KLRG2: variants seen among roughly 807,000 people sequenced by gnomAD.
KLRG2 encodes killer cell lectin-like receptor subfamily G member 2.
A neutral mutation model predicts 35.4 loss-of-function variants in KLRG2; 39 were observed. That is an observed-to-expected ratio of 1.10 (90% CI 0.85 to 1.44). KLRG2 has a LOEUF of 1.44. Among genes scored for constraint, KLRG2 ranks in the 40% most tolerant of loss-of-function variants. The pLI is 0.00. For synonymous variants in KLRG2, 283 were observed against 265.8 expected (o/e 1.06, Z -0.63); for missense variants, 632 against 570.9 (o/e 1.11, Z -1.09).
the KLRG2 span, among the ~76,000 whole-genome samples, chr7:139,431,890 G>C: frequency 6.6e-6 from 1 of 152,110 alleles, no homozygotes; most frequent in Non-Finnish European, 1.5e-5. Context: ...TTAAAAAGCA[G>C]TTGCAGGAAG....
chr7:139,454,864 T>TAAC lies in KLRG2; in HGVS notation c.1006-653_1006-651dup, dbSNP rs1238804285. On this transcript the variant is annotated intron_variant, in intron 3 of 4. Coordinates refer to ENST00000340940, the MANE Select transcript of KLRG2 (RefSeq NM_198508.4). Reference sequence around the variant, plus strand: ...ATAATAATAATAATAATAATAATAATAACACACGCAGATGTGCAGGAACAA... The same window carrying TAAC: ...ATAATAATAATAATAATAATAATAATAACAACACACGCAGATGTGCAGGAACAA... Among the ~76,000 whole-genome samples the TAAC allele has an allele frequency of 4.8e-3, 664 of 138,546 alleles. 4 individuals are homozygous for TAAC. Among genetic ancestry groups the TAAC allele is most frequent in the African/African-American group, 0.013 (473 of 36,968 alleles). The allele number at this position is 138,546 out of a possible 152,430, so 90.9% of individuals were successfully genotyped here.
the KLRG2 span, among the ~76,000 whole-genome samples, chr7:139,427,398 C>T: frequency 1.3e-5 from 2 of 152,156 alleles, no homozygotes; most frequent in African/African-American, 2.4e-5. Context: ...CTTTGAGACT[C>T]ACAGAATTGG....
intron 3 of KLRG2, among the ~76,000 whole-genome samples, chr7:139,467,897 A>C (rs993688507): frequency 2.6e-5 from 4 of 152,152 alleles, no homozygotes; most frequent in African/African-American, 7.2e-5. Flanking sequence ...AGAGGAAGGC[A>C]TCTGTCTCCT....
At chr7:139,433,429 G>T in the KLRG2 span, among the ~76,000 whole-genome samples, 1 of 151,968 alleles carries the variant, frequency 6.6e-6, no homozygotes, top group Admixed American at 6.6e-5. Flanking sequence ...GAGTTCAAGC[G>T]ATTCTCCTGC....
At chr7:139,450,679 GAC>G (rs1339428024), downstream of KLRG2, among the ~76,000 whole-genome samples, 11 of 152,034 alleles carry the variant, frequency 7.2e-5, no homozygotes, top group African/African-American at 2.4e-4. Flanking sequence ...TGGGATGGGA[GAC>G]AGTTTTAAAA....
At chr7:139,450,295 C>T (rs1347404495), downstream of KLRG2, among the ~76,000 whole-genome samples, 1 of 151,998 alleles carries the variant, frequency 6.6e-6, no homozygotes, top group Non-Finnish European at 1.5e-5. Context: ...GCGATCTCGG[C>T]TCACTGCAAG....
chr7:139,448,358 CTGTT>C (rs1436740807), downstream of KLRG2, among the ~76,000 whole-genome samples: 2 of 152,156 alleles, frequency 1.3e-5, no homozygotes, highest in East Asian at 1.9e-4. Context: ...ACCAGTCAGT[CTGTT>C]TGTATGCCTG....
chr7:139,466,310 GTCATTTCTTCTCT>G (rs1307663525), intron 3 of KLRG2, among the ~76,000 whole-genome samples: 5 of 152,254 alleles, frequency 3.3e-5, no homozygotes, highest in African/African-American at 1.2e-4. Context: ...GGCCACCGCG[GTCATTTCTTCTCT>G]TCTGTCAGAC....
At chr7:139,453,755 G>A (rs1569409014) in intron 4 of KLRG2, 48 bp from the exon 5 acceptor site, 1 of 1,610,426 alleles carries the variant, frequency 6.2e-7, no homozygotes, top group Non-Finnish European at 8.5e-7. Flanking sequence ...AGGGTGCCGG[G>A]GCCTTGCTTC....
chr7:139,465,729 T>TAG (rs1228861086), intron 3 of KLRG2, among the ~76,000 whole-genome samples: 204 of 149,470 alleles, frequency 1.4e-3, no homozygotes, highest in African/African-American at 4.2e-3. Context: ...GGAAGGAAGC[T>TAG]AGAGTCATTC....
At chr7:139,470,316 C>T (rs528926168) in intron 3 of KLRG2, among the ~76,000 whole-genome samples, 3 of 152,248 alleles carry the variant, frequency 2.0e-5, no homozygotes, top group South Asian at 2.1e-4. Flanking sequence ...CCTCAGCCTC[C>T]CGAATTGCTG....
At chr7:139,444,815 A>G in the KLRG2 span, among the ~76,000 whole-genome samples, 2 of 152,226 alleles carry the variant, frequency 1.3e-5, no homozygotes, top group Non-Finnish European at 2.9e-5. Flanking sequence ...TACACACCCT[A>G]CAGAGCAGAC....
In KLRG2 at chr7:139,476,955, G is replaced by A. The variant is rs150821947; in HGVS notation, c.1005+2672C>T. On this transcript the variant is annotated intron_variant, in intron 3 of 4. Transcript: ENST00000340940. The stretch of plus-strand genomic sequence containing the variant: ...TCTTAGCTTTGTCAAGGTGGGGGCT[G>A]TGCTATTCTGGCTCATTATTGAATC... Among the ~76,000 whole-genome samples, 33 of 152,272 alleles carry A rather than the reference G, an allele frequency of 2.2e-4. 1 individual carries two copies. The highest frequency in any genetic ancestry group is 7.7e-4 in the African/African-American group (32 of 41,556).
chr7:139,463,291 C>T (rs979659875), intron 3 of KLRG2, among the ~76,000 whole-genome samples: 6 of 152,092 alleles, frequency 3.9e-5, no homozygotes, highest in African/African-American at 1.2e-4. Context: ...TTACCCAGTC[C>T]GCTCCTGACA....
At position 139,483,591 on chromosome 7, in the gene KLRG2, G is replaced by C. The variant is rs767874397; in HGVS notation, c.52C>G (p.Pro18Ala). 4 of 1,594,648 alleles carry C rather than the reference G, an allele frequency of 2.5e-6. No individual in the cohort carries two copies. Among genetic ancestry groups the C allele is most frequent in the South Asian group, 2.2e-5 (2 of 89,980 alleles). Residue 18 changes from proline (P) to alanine (A), a missense_variant, in exon 1 of 5, where the codon CCA (proline) becomes GCA (alanine). Coordinates refer to ENST00000340940, the MANE Select transcript of KLRG2 (RefSeq NM_198508.4). ...ACCAGGCTTCCCACGGGCTCCATTG[G>C]GAGCTCTGCCCCGGCTTGGCCTCCG... ...APGGQAGAEL[P>A]MEPVGSLVPT...
At chr7:139,443,580 G>A in the KLRG2 span, among the ~76,000 whole-genome samples, 2 of 150,352 alleles carry the variant, frequency 1.3e-5, no homozygotes, top group Non-Finnish European at 3.0e-5. Flanking sequence ...TTTATTTTTT[G>A]AGATGGAGTC....
Position 139,483,025 on chromosome 7 carries a change from C to T in KLRG2, c.618G>A (p.Ala206=). 7.3e-7 allele frequency: 1 copy of T among 1,369,624 alleles called. No homozygotes were observed. The highest frequency in any genetic ancestry group is 9.3e-7 in the Non-Finnish European group (1 of 1,069,752). 84.8% of individuals were successfully genotyped at this position (1,369,624 alleles called of 1,614,324 possible). A position where few individuals can be genotyped will look rare whatever the true frequency, so the allele number is the denominator to read the frequency against. The part of the protein sequence containing the change: ...GCDAEGRASP[A]EGSAGSPGSP... ...AGCCCGGGGAGCCGGCGCTTCCTTC[C>T]GCGGGGCTGGCCCGGCCCTCTGCGT... Residue 206 remains alanine, a synonymous_variant, in exon 1 of 5, where the codon GCG becomes GCA. Coordinates refer to ENST00000340940, the MANE Select transcript of KLRG2 (RefSeq NM_198508.4).
At chr7:139,455,216 C>A (rs1016572646) in intron 3 of KLRG2, among the ~76,000 whole-genome samples, 1 of 151,856 alleles carries the variant, frequency 6.6e-6, no homozygotes, top group African/African-American at 2.4e-5. Context: ...AAGGGTTTTG[C>A]CGTGTTGGCC....
chr7:139,432,548 C>G, the KLRG2 span, among the ~76,000 whole-genome samples: 1 of 148,796 alleles, frequency 6.7e-6, no homozygotes, highest in South Asian at 2.2e-4. Flanking sequence ...TGCAGGACCC[C>G]CCCCCCCCAA....
Sources: gnomAD v4.1 joint callset for allele counts (sites outside exome capture counted in the v4.1 genomes callset) on GRCh38, gnomAD v4.1.1 for gene constraint, MANE v1.5 for transcripts, NCBI Gene and HGNC (gene_info 2026-07-23, HGNC 2026-07-21) for gene names.